PIK3R3: variants seen among roughly 807,000 people sequenced by gnomAD.
The protein encoded by PIK3R3 is phosphoinositide-3-kinase regulatory subunit 3.
PIK3R3 carries 64 observed loss-of-function variants against 62.9 expected under a neutral mutation model. That is an observed-to-expected ratio of 1.02 (90% CI 0.83 to 1.25). The LOEUF (loss-of-function observed/expected upper bound fraction) is 1.25. Among genes scored for constraint, PIK3R3 ranks in the 50% most tolerant of loss-of-function variants. PIK3R3 has a pLI of 0.00. For missense variants in PIK3R3, 614 were observed against 561.6 expected (o/e 1.09, Z -0.94); for synonymous variants, 165 against 189.0 (o/e 0.87, Z 1.04).
intron 1 of PIK3R3, among the ~76,000 whole-genome samples, chr1:46,083,043 C>T (rs1434875084): frequency 6.6e-6 from 1 of 152,160 alleles, no homozygotes; most frequent in African/African-American, 2.4e-5. Context: ...TGCACCACTG[C>T]ACTCCAGCCT....
At chr1:46,109,725 G>A (rs919748153) in intron 1 of PIK3R3, among the ~76,000 whole-genome samples, 1 of 151,880 alleles carries the variant, frequency 6.6e-6, no homozygotes, top group Non-Finnish European at 1.5e-5. Flanking sequence ...CCCATGATCC[G>A]CCCACCTCAG....
chr1:46,100,827 T>G (rs1287830647), intron 1 of PIK3R3, among the ~76,000 whole-genome samples: 3 of 152,206 alleles, frequency 2.0e-5, no homozygotes. Flanking sequence ...TTGCTGATTT[T>G]GTTCACTGGT....
At chr1:46,075,408 G>A (rs1037520239) in intron 3 of PIK3R3, among the ~76,000 whole-genome samples, 35 of 152,250 alleles carry the variant, frequency 2.3e-4, no homozygotes, top group African/African-American at 8.4e-4. Context: ...GAGCCCAGGA[G>A]TTTTGAGACC....
chr1:46,125,192 A>G (rs1422974231), intron 1 of PIK3R3, among the ~76,000 whole-genome samples: 1 of 152,236 alleles, frequency 6.6e-6, no homozygotes, highest in East Asian at 1.9e-4. Flanking sequence ...AAATGGGAGA[A>G]TCACCATACT....
intron 1 of PIK3R3, among the ~76,000 whole-genome samples, chr1:46,094,535 A>G (rs1384110460): frequency 1.3e-5 from 2 of 152,268 alleles, no homozygotes; most frequent in African/African-American, 4.8e-5. Context: ...GACAGCTTTT[A>G]CCAAGTTCAT....
At chr1:46,045,365 AAG>A (rs1647081196) in intron 9 of PIK3R3, among the ~76,000 whole-genome samples, 1 of 152,180 alleles carries the variant, frequency 6.6e-6, no homozygotes, top group Non-Finnish European at 1.5e-5. Context: ...AATCTGACTG[AAG>A]CACAGTTAGT....
At chr1:46,136,987 G>A (rs1047565193), upstream of PIK3R3, among the ~76,000 whole-genome samples, 5 of 152,012 alleles carry the variant, frequency 3.3e-5, no homozygotes, top group African/African-American at 4.8e-5. Context: ...GGCAGCTGGT[G>A]AAGCTCTGTT....
the PIK3R3 span, among the ~76,000 whole-genome samples, chr1:46,150,616 TTC>T: frequency 6.6e-6 from 1 of 152,312 alleles, no homozygotes; most frequent in East Asian, 1.9e-4. Flanking sequence ...CCATGACAAC[TTC>T]TCTTTCTACT....
intron 1 of PIK3R3, among the ~76,000 whole-genome samples, chr1:46,082,403 C>T (rs1650681711): frequency 6.6e-6 from 1 of 152,172 alleles, no homozygotes; most frequent in Admixed American, 6.6e-5. Context: ...AGAATCCTGA[C>T]AATTAAATGC....
At chr1:46,092,093 C>G (rs1198399483) in intron 1 of PIK3R3, among the ~76,000 whole-genome samples, 2 of 152,094 alleles carry the variant, frequency 1.3e-5, no homozygotes, top group Non-Finnish European at 2.9e-5. Flanking sequence ...TAAAGGGCAC[C>G]ACTATGCATT....
Position 46,080,724 on chromosome 1 carries a change from T to C in PIK3R3, c.133A>G (p.Met45Val), listed in dbSNP as rs1354142385. 4.3e-6 allele frequency: 7 copies of C among 1,613,374 alleles called. No individual in the cohort carries two copies. The highest frequency in any genetic ancestry group is 2.7e-5 in the African/African-American group (2 of 74,914). The change falls in exon 2 of 10, where the codon ATG becomes GTG. Residue 45 changes from methionine (M) to valine (V), a missense_variant. Met to Val is a conservative substitution (Grantham distance 21, BLOSUM62 1). Coordinates refer to ENST00000262741, the MANE Select transcript of PIK3R3 (RefSeq NM_003629.4). Reference protein sequence around the residue: ...PALPPKPPKPMTSAVPNGMKD... With the variant: ...PALPPKPPKPVTSAVPNGMKD... Reference sequence around the variant, plus strand: ...ATTCCATTTGGAACTGCTGAAGTCATTGGCTTAGGTGGCTTTGGTGGAAGA... The same window carrying C: ...ATTCCATTTGGAACTGCTGAAGTCACTGGCTTAGGTGGCTTTGGTGGAAGA...
chr1:46,162,971 T>A, the PIK3R3 span, among the ~76,000 whole-genome samples: 1 of 152,230 alleles, frequency 6.6e-6, no homozygotes, highest in Non-Finnish European at 1.5e-5. Flanking sequence ...TCTTTTTATT[T>A]GCCTGTATTT....
Position 46,127,356 on chromosome 1 carries a change from A to AAT in PIK3R3, c.106+4489_106+4490dup, listed in dbSNP as rs1553157057. Reference sequence around the variant, plus strand: ...AGACCCTGCCTCAAAAAAAAAAAAAAATATATATATATATACATAATTTCA... The same window carrying AAT: ...AGACCCTGCCTCAAAAAAAAAAAAAAATATATATATATATATACATAATTTCA... On this transcript the variant is annotated intron_variant, in intron 1 of 9. Coordinates refer to ENST00000262741, the MANE Select transcript of PIK3R3 (RefSeq NM_003629.4). Among the ~76,000 whole-genome samples the AAT allele has an allele frequency of 6.3e-3, 841 of 133,856 alleles. 4 individuals are homozygous for AAT. The highest frequency in any genetic ancestry group is 0.016 in the African/African-American group (567 of 36,054). The allele number at this position is 133,856 out of a possible 152,430, so 87.8% of individuals were successfully genotyped here.
chr1:46,164,003 C>G, the PIK3R3 span, among the ~76,000 whole-genome samples: 1 of 152,138 alleles, frequency 6.6e-6, no homozygotes, highest in Admixed American at 6.5e-5. Context: ...GTAGCAGGGG[C>G]ACCCCCTACC....
intron 3 of PIK3R3, among the ~76,000 whole-genome samples, chr1:46,069,587 C>T (rs984230785): frequency 6.6e-6 from 1 of 151,812 alleles, no homozygotes; most frequent in Non-Finnish European, 1.5e-5. Flanking sequence ...GTTTGAGATG[C>T]CTCCTAAACA....
At chr1:46,075,347 G>A (rs1427632310) in intron 3 of PIK3R3, among the ~76,000 whole-genome samples, 1 of 152,190 alleles carries the variant, frequency 6.6e-6, no homozygotes. Context: ...TGGGCACAGT[G>A]GCTCACGCCT....
intron 1 of PIK3R3, among the ~76,000 whole-genome samples, chr1:46,126,810 A>C (rs982613495): frequency 1.3e-5 from 2 of 151,436 alleles, no homozygotes; most frequent in African/African-American, 4.8e-5. Flanking sequence ...ATTATTTTTT[A>C]ATGAATTAAA....
At chr1:46,170,360 A>G in the PIK3R3 span, among the ~76,000 whole-genome samples, 1 of 152,070 alleles carries the variant, frequency 6.6e-6, no homozygotes, top group African/African-American at 2.4e-5. Flanking sequence ...CCTCATCTTC[A>G]GGAACCAGAA....
chr1:46,095,104 A>G (rs1199866206), intron 1 of PIK3R3, among the ~76,000 whole-genome samples: 2 of 152,216 alleles, frequency 1.3e-5, no homozygotes, highest in African/African-American at 4.8e-5. Context: ...CAGAAATACT[A>G]TTTGACCCAG....
Sources: allele counts gnomAD v4.1 joint callset (sites outside exome capture counted in the v4.1 genomes callset), GRCh38; gene constraint gnomAD v4.1.1; transcripts MANE v1.5; gene names NCBI Gene and HGNC (gene_info 2026-07-23, HGNC 2026-07-21).